ROR1: variants seen among roughly 807,000 people sequenced by gnomAD.
ROR1 encodes the protein inactive tyrosine-protein kinase transmembrane receptor ROR1.
ROR1 carries 19 observed loss-of-function variants against 78.8 expected under a neutral mutation model. The observed-to-expected ratio is 0.24, with a 90% CI of 0.17 to 0.35. The LOEUF (loss-of-function observed/expected upper bound fraction) is 0.35, where lower values mean the gene tolerates loss of function less well. Ranked by LOEUF, ROR1 falls within the 10% of genes least tolerant of loss-of-function variation. ROR1 has a pLI of 1.00. For missense variants in ROR1, 917 were observed against 1,177.8 expected (o/e 0.78, Z 3.24); for synonymous variants, 386 against 433.6 (o/e 0.89, Z 1.36).
intron 1 of ROR1, among the ~76,000 whole-genome samples, chr1:63,981,875 T>C (rs1646213280): frequency 6.6e-6 from 1 of 152,140 alleles, no homozygotes. Context: ...TTCTTCTTTT[T>C]GCAAGCAGTG....
At chr1:63,861,523 T>G (rs1477255616) in intron 1 of ROR1, among the ~76,000 whole-genome samples, 4 of 152,168 alleles carry the variant, frequency 2.6e-5, no homozygotes, top group African/African-American at 9.6e-5. Flanking sequence ...TGTGTAGCAG[T>G]GCCTGGTTTT....
At chr1:63,898,751 G>A (rs1005069243) in intron 1 of ROR1, among the ~76,000 whole-genome samples, 3 of 152,012 alleles carry the variant, frequency 2.0e-5, no homozygotes, top group African/African-American at 4.8e-5. Context: ...TTCCTGAGAG[G>A]TAAGTTGTGT....
chr1:64,125,893 C>T (rs1648697495), intron 4 of ROR1, among the ~76,000 whole-genome samples: 1 of 152,172 alleles, frequency 6.6e-6, no homozygotes, highest in Non-Finnish European at 1.5e-5. Flanking sequence ...GTACTAGACT[C>T]TGCTGGGAGT....
At chr1:64,108,392 A>C (rs930539187) in intron 4 of ROR1, 1 of 90,298 alleles carries the variant, frequency 1.1e-5, no homozygotes, top group Non-Finnish European at 2.1e-5. Context: ...GTGAGACTCC[A>C]TCTAAAAAAA....
At chr1:64,148,033 A>G (rs1040442860) in intron 7 of ROR1, among the ~76,000 whole-genome samples, 2 of 152,218 alleles carry the variant, frequency 1.3e-5, no homozygotes, top group African/African-American at 4.8e-5. Flanking sequence ...GGGGTTGAGG[A>G]ACTCTTTTCT....
intron 1 of ROR1, among the ~76,000 whole-genome samples, chr1:63,978,513 C>T (rs934366725): frequency 4.6e-5 from 7 of 152,152 alleles, no homozygotes; most frequent in Non-Finnish European, 1.5e-5. Flanking sequence ...ATTCTGTCTG[C>T]AATTCCCAAA....
rs12758578 is a variant in ROR1 at position 63,787,492 on chromosome 1, G to T, written c.91+12984G>T. ...TTCCTTCCTTCCTTCCTGCCTTCCT[G>T]CCTTCCTGACTTCCTTTCTTTCCTT... On this transcript the variant is annotated intron_variant, in intron 1 of 8. Transcript: ENST00000371079. Among the ~76,000 whole-genome samples the T allele has an allele frequency of 1.2e-3, 146 of 119,490 alleles. 2 individuals carry two copies. The highest frequency in any genetic ancestry group is 1.6e-3 in the African/African-American group (48 of 30,754). The allele number at this position is 119,490 out of a possible 152,430, so 78.4% of individuals were successfully genotyped here.
At chr1:63,816,234 AG>A (rs1260862822) in intron 1 of ROR1, among the ~76,000 whole-genome samples, 26 of 152,106 alleles carry the variant, frequency 1.7e-4, no homozygotes, top group African/African-American at 6.0e-4. Flanking sequence ...TTGTGGTCTG[AG>A]GAGAGTGATT....
chr1:63,955,741 GCCTTCCAGGAT>G (rs1645976247), intron 1 of ROR1, among the ~76,000 whole-genome samples: 1 of 152,168 alleles, frequency 6.6e-6, no homozygotes, highest in South Asian at 2.1e-4. Context: ...GAATGGCATG[GCCTTCCAGGAT>G]CCTTCCTTCC....
chr1:64,104,501 T>G (rs888393240), intron 4 of ROR1, among the ~76,000 whole-genome samples: 1 of 151,986 alleles, frequency 6.6e-6, no homozygotes, highest in Non-Finnish European at 1.5e-5. Context: ...TTTTTTATTT[T>G]ACTTTAAGTT....
intron 4 of ROR1, among the ~76,000 whole-genome samples, chr1:64,083,156 G>A (rs1217941474): frequency 6.6e-6 from 1 of 152,102 alleles, no homozygotes; most frequent in Non-Finnish European, 1.5e-5. Context: ...TCTTGTAATT[G>A]GGAAGAGAAT....
intron 1 of ROR1, among the ~76,000 whole-genome samples, chr1:63,861,184 G>A (rs570120662): frequency 3.5e-4 from 54 of 152,264 alleles, no homozygotes; most frequent in Non-Finnish European, 6.9e-4. Context: ...CAGAAACTTC[G>A]ATCCTTCTCC....
intron 2 of ROR1, among the ~76,000 whole-genome samples, chr1:64,015,762 AG>A (rs992435284): frequency 6.6e-6 from 1 of 152,118 alleles, no homozygotes; most frequent in Admixed American, 6.5e-5. Flanking sequence ...CTTGTGTTCC[AG>A]CTTCAAAACT....
chr1:63,895,059 A>C (rs1442424858), intron 1 of ROR1, among the ~76,000 whole-genome samples: 1 of 152,156 alleles, frequency 6.6e-6, no homozygotes, highest in Non-Finnish European at 1.5e-5. Flanking sequence ...ACATGGAGAA[A>C]GTTATGGCAT....
At chr1:64,043,013 C>G (rs1398337550) in intron 2 of ROR1, among the ~76,000 whole-genome samples, 3 of 152,222 alleles carry the variant, frequency 2.0e-5, no homozygotes, top group Non-Finnish European at 4.4e-5. Flanking sequence ...TGGCATGTGC[C>G]TCTTTTGATA....
intron 7 of ROR1, among the ~76,000 whole-genome samples, chr1:64,144,724 T>C (rs1455515570): frequency 2.0e-5 from 3 of 152,180 alleles, no homozygotes; most frequent in Admixed American, 6.5e-5. Context: ...TCAGCCGGAT[T>C]CCCAAACCTG....
chr1:64,158,257 T>C (rs999098940), intron 7 of ROR1, among the ~76,000 whole-genome samples: 1 of 152,230 alleles, frequency 6.6e-6, no homozygotes, highest in Non-Finnish European at 1.5e-5. Context: ...TTAAGAATTC[T>C]GGGGTTTCAA....
rs1452703776 is a variant in ROR1 at position 64,178,484 on chromosome 1, C to A, written c.2443C>A (p.Arg815=). The A allele has an allele frequency of 6.2e-7, 1 of 1,614,200 alleles. No homozygotes were observed. Residue 815 remains arginine, a synonymous_variant, in exon 9 of 9, where the codon CGA becomes AGA. Coordinates refer to ENST00000371079, the MANE Select transcript of ROR1 (RefSeq NM_005012.4). This position sits in a 1 kb window ranked among gnomAD's most constrained non-coding sequence, Gnocchi z 4.3. ...TGGCCCGCCAATACCTCAGAACCAG[C>A]GATTCATTCCCATCAATGGATACCC... ...FIGPPIPQNQ[R]FIPINGYPIP... is the part of the protein sequence containing the mutation.
chr1:63,986,446 G>A (rs1315370620), intron 1 of ROR1, among the ~76,000 whole-genome samples: 4 of 152,180 alleles, frequency 2.6e-5, no homozygotes, highest in Admixed American at 1.3e-4. Flanking sequence ...ATCACGGATC[G>A]AAAGGGCAGG....
Sources: gnomAD v4.1 joint callset for allele counts (sites outside exome capture counted in the v4.1 genomes callset) on GRCh38, gnomAD v4.1.1 for gene constraint, Gnocchi (gnomAD v3.1) non-coding constraint, MANE v1.5 for transcripts, NCBI Gene and HGNC (gene_info 2026-07-23, HGNC 2026-07-21) for gene names.